The following WNK1 variants were observed in gnomAD, a reference collection of about 807,000 sequenced individuals.
The protein encoded by WNK1 is serine/threonine-protein kinase WNK1.
WNK1 carries 38 observed loss-of-function variants against 222.8 expected under a neutral mutation model. The ratio of observed to expected loss-of-function variants is 0.17; its 90% CI spans 0.13 to 0.22. The LOEUF is 0.22. Ranked by LOEUF, WNK1 falls within the 10% of genes least tolerant of loss-of-function variation. The pLI is 1.00. For synonymous variants in WNK1, 1,090 were observed against 1,092.9 expected, an observed-to-expected ratio of 1.00 and a Z score of 0.05; for missense variants, 2,348 against 2,918.4, an observed-to-expected ratio of 0.80 and a Z score of 4.50.
chr12:898,085 A>G (rs1954900692), intron 25 of WNK1, among the ~76,000 whole-genome samples: 1 of 152,240 alleles, frequency 6.6e-6, no homozygotes, highest in Non-Finnish European at 1.5e-5. Context: ...ACTTAGTCAT[A>G]ATTGCAACTT....
chr12:873,014 T>TA (rs1475927801), intron 9 of WNK1, among the ~76,000 whole-genome samples: 1 of 152,336 alleles, frequency 6.6e-6, no homozygotes, highest in Admixed American at 6.5e-5. Flanking sequence ...CAAGTAAACA[T>TA]ATTTTTGCCA....
Position 880,999 on chromosome 12 carries a change from G to A in WNK1, c.3111G>A (p.Glu1037=), listed in dbSNP as rs768785704. The change falls in exon 12 of 28, where the codon GAG becomes GAA. Residue 1037 remains glutamate (E), a splice_region_variant and synonymous_variant. Transcript: ENST00000315939. ...CATCCTCCCAGCAAGCAGTTTTGGA[G>A]GTAAATAGAATTACTGCATGTTTAT... ...PTTSSQQAVL[E]STQGVSQVAP... is the part of the protein sequence containing the mutation. The A allele has an allele frequency of 6.2e-7, 1 of 1,614,034 alleles. No individual in the cohort carries two copies. The highest frequency in any genetic ancestry group is 1.7e-5 in the Admixed American group (1 of 60,008).
At chr12:810,391 TAG>T (rs747129666) in intron 1 of WNK1, among the ~76,000 whole-genome samples, 1 of 152,232 alleles carries the variant, frequency 6.6e-6, no homozygotes, top group Non-Finnish European at 1.5e-5. Context: ...TTTTGATATG[TAG>T]AGTTATCATG....
chr12:904,504 T>C, intron 26 of WNK1: 1 of 1,289,108 alleles, frequency 7.8e-7, no homozygotes, highest in Non-Finnish European at 1.0e-6. Flanking sequence ...AGTAATTATC[T>C]TTTCTGTTAT....
At chr12:810,939 G>A (rs1565463419) in intron 1 of WNK1, among the ~76,000 whole-genome samples, 2 of 152,062 alleles carry the variant, frequency 1.3e-5, no homozygotes, top group South Asian at 4.2e-4. Flanking sequence ...ACGGATCCTT[G>A]GTTTTGCTCA....
intron 1 of WNK1, among the ~76,000 whole-genome samples, chr12:763,269 G>C (rs1415514738): frequency 6.8e-6 from 1 of 147,370 alleles, no homozygotes; most frequent in African/African-American, 2.4e-5. Context: ...ACACTAGTCA[G>C]AATGGCACAC....
intron 8 of WNK1, chr12:868,240 A>G: frequency 6.2e-7 from 1 of 1,604,742 alleles, no homozygotes; most frequent in Non-Finnish European, 8.5e-7. Flanking sequence ...TAGTACTTCC[A>G]GAAGAAGCTC....
rs1051440806 is a variant in WNK1, at chr12:910,984, C to G, written c.*2192C>G. On this transcript the variant is annotated 3_prime_UTR_variant, in exon 28 of 28. Transcript: ENST00000315939. ...AGGGGCCACCCAAGAGTGAAACATA[C>G]TTTATACCAGAGGAGCAGTGGAGCC... The G allele has an allele frequency of 1.6e-5, 4 of 243,180 alleles. No individual in the cohort carries two copies. In the East Asian group the frequency reaches 2.3e-4, roughly 14 times the overall value. 15.1% of individuals were successfully genotyped at this position (243,180 alleles called of 1,614,324 possible).
chr12:845,168 T>TA (rs1469525427), intron 4 of WNK1, among the ~76,000 whole-genome samples: 1 of 152,180 alleles, frequency 6.6e-6, no homozygotes, highest in East Asian at 1.9e-4. Context: ...GTGCTGGGAT[T>TA]ACAGGCGTGA....
chr12:813,182 A>G (rs767348753), intron 1 of WNK1, among the ~76,000 whole-genome samples: 3 of 152,200 alleles, frequency 2.0e-5, no homozygotes, highest in Non-Finnish European at 4.4e-5. Flanking sequence ...GCAGTGAGCT[A>G]TGATAGCACC....
At chr12:771,132 GGACTAC>G (rs1177221551) in intron 1 of WNK1, among the ~76,000 whole-genome samples, 1 of 151,946 alleles carries the variant, frequency 6.6e-6, no homozygotes, top group Non-Finnish European at 1.5e-5. Flanking sequence ...TGATTAGCTG[GGACTAC>G]AGGTGCATGC....
At chr12:845,408 T>A (rs1264231698) in intron 4 of WNK1, among the ~76,000 whole-genome samples, 1 of 152,204 alleles carries the variant, frequency 6.6e-6, no homozygotes, top group Non-Finnish European at 1.5e-5. Context: ...ATCCCAGGTC[T>A]ATTGTGTATA....
In WNK1 at chr12:911,384, C is replaced by T. The variant is rs1000667072; in HGVS notation, c.*2592C>T. ...GCTTCTTGTAAGATTGCGCTTTGTGCTTCAGTTTGTTACCTTTGTAGACTT... is the reference window on the plus strand; with the variant it reads ...GCTTCTTGTAAGATTGCGCTTTGTGTTTCAGTTTGTTACCTTTGTAGACTT... On this transcript the variant is annotated 3_prime_UTR_variant, in exon 28 of 28. Transcript: ENST00000315939. 5 of 398,474 alleles carry T rather than the reference C, an allele frequency of 1.3e-5. No individual in the cohort carries two copies. The highest frequency in any genetic ancestry group is 2.2e-5 in the Non-Finnish European group (5 of 226,050). 24.7% of individuals were successfully genotyped at this position (398,474 alleles called of 1,614,324 possible).
chr12:885,378 G>C lies in WNK1; in HGVS notation c.4574G>C (p.Ser1525Thr), dbSNP rs759668089. ...TPTLAETVVVSAHSLDKTSHS... is the reference protein window; with the variant it reads ...TPTLAETVVVTAHSLDKTSHS... The stretch of plus-strand genomic sequence containing the variant: ...ACTTTAGCTGAAACCGTGGTAGTTA[G>C]CGCACACTCACTAGATAAGACATCT... The change falls in exon 19 of 28, where the codon AGC (serine) becomes ACC (threonine). Residue 1525 changes from serine (S) to threonine (T), a missense_variant. By Grantham distance (58) the Ser-to-Thr change is moderately conservative. Around this residue, in one of 13 missense-constraint regions of WNK1, gnomAD observed 1,144 missense variants for 1,273.6 expected, o/e 0.90. Transcript: ENST00000315939. The C allele has an allele frequency of 1.2e-6, 2 of 1,613,726 alleles. No homozygotes were observed. Among genetic ancestry groups the C allele is most frequent in the Non-Finnish European group, 1.7e-6 (2 of 1,180,028 alleles).
At chr12:785,921 C>G (rs945763465) in intron 1 of WNK1, among the ~76,000 whole-genome samples, 2 of 152,094 alleles carry the variant, frequency 1.3e-5, no homozygotes, top group African/African-American at 4.8e-5. Flanking sequence ...TCTGACTGTA[C>G]TGTTCTGGCA....
chr12:832,800 C>T (rs1001307204), intron 4 of WNK1, among the ~76,000 whole-genome samples: 2 of 152,208 alleles, frequency 1.3e-5, no homozygotes, highest in Non-Finnish European at 2.9e-5. Flanking sequence ...ATTGTAATCC[C>T]TGAAGCACTG....
intron 22 of WNK1, 147 bp downstream of exon 22, chr12:890,660 A>G (rs1954136016): frequency 1.1e-6 from 1 of 871,998 alleles, no homozygotes; most frequent in Admixed American, 2.0e-5. Context: ...AAAGATTAGC[A>G]AATTAATAAA....
intron 1 of WNK1, among the ~76,000 whole-genome samples, chr12:788,972 A>C (rs764554268): frequency 2.0e-5 from 3 of 152,112 alleles, no homozygotes; most frequent in Non-Finnish European, 4.4e-5. Flanking sequence ...TGCTTATAAC[A>C]GTTTTTGTGG....
rs1016595467 is a variant in WNK1 at position 825,433 on chromosome 12, T to C, written c.933-1609T>C. 4.6e-5 allele frequency among the ~76,000 whole-genome samples: 7 copies of C among 152,310 alleles called. No homozygotes were observed. The East Asian group carries it at 1.3e-3, about 29-fold the overall frequency. ...TTTATTTAGGACTAATACTGTACAA[T>C]TTCATGTAAAATACAAGACCTTTGC... On this transcript the variant is annotated intron_variant, in intron 2 of 27. Transcript: ENST00000315939.
Sources: gnomAD v4.1 joint callset for allele counts (sites outside exome capture counted in the v4.1 genomes callset) on GRCh38, gnomAD v4.1.1 for gene constraint, gnomAD v4.1.1 regional missense constraint, MANE v1.5 for transcripts, NCBI Gene and HGNC (gene_info 2026-07-23, HGNC 2026-07-21) for gene names.